The following ATG2A variants were observed in gnomAD, a reference collection of about 807,000 sequenced individuals.
ATG2A encodes the protein autophagy related 2A.
In ATG2A, 103 loss-of-function variants were observed where a neutral mutation model predicts 214.2. The observed-to-expected ratio is 0.48, with a 90% confidence interval of 0.41 to 0.57. The LOEUF is 0.57. Ranked by LOEUF, ATG2A falls within the 20% of genes least tolerant of loss-of-function variation. The probability of loss-of-function intolerance (pLI) is 0.00; values close to 1 mark genes in which losing one functional copy is unlikely to be tolerated. For missense variants in ATG2A, 2,312 were observed against 2,613.2 expected (o/e 0.88, Z 2.51); for synonymous variants, 1,160 against 1,142.1 (o/e 1.02, Z -0.32).
rs1404355329 is a variant in ATG2A, at chr11:64,910,089, G to A, written c.1814C>T (p.Ala605Val). 6.2e-7 allele frequency: 1 copy of A among 1,608,794 alleles called. No individual in the cohort carries two copies. Among genetic ancestry groups the A allele is most frequent in the African/African-American group, 1.3e-5 (1 of 74,914 alleles). Residue 605 changes from alanine to valine, a missense_variant, in exon 13 of 41, where the codon GCC becomes GTC. Ala to Val is a moderately conservative substitution (Grantham distance 64). Transcript: ENST00000377264. ...VELGALDRLA[A>V]LLRLATVPAE... is the part of the protein sequence containing the mutation. Reference sequence around the variant, plus strand: ...AGGTACGGTGGCCAGGCGCAGTAGGGCGGCCAGCCGGTCCAGGGCCCCCAG... The same window carrying A: ...AGGTACGGTGGCCAGGCGCAGTAGGACGGCCAGCCGGTCCAGGGCCCCCAG...
rs1590629252 is a variant in ATG2A, at chr11:64,901,115, T to C, written c.4120-23A>G. The C allele has an allele frequency of 3.9e-6, 6 of 1,550,160 alleles. No homozygotes were observed. The East Asian group carries it at 1.5e-4, about 38-fold the overall frequency. The stretch of plus-strand genomic sequence containing the variant: ...GGGCTGCAGGGAGGCCAGGTAGACG[T>C]GTGACACAGATGTTCGATCCAGCCC... On this transcript the variant is annotated intron_variant, in intron 29 of 40. Coordinates refer to ENST00000377264, the MANE Select transcript of ATG2A (RefSeq NM_015104.3).
At position 64,902,057 on chromosome 11, in the gene ATG2A, C is replaced by T. The variant is rs1944368372; in HGVS notation, c.4024G>A (p.Glu1342Lys). Residue 1342 changes from glutamate to lysine, a missense_variant, in exon 29 of 41, where the codon GAG becomes AAG. Coordinates refer to ENST00000377264, the MANE Select transcript of ATG2A (RefSeq NM_015104.3). ...TCTTCCCTTTCATCTTCCTTCTCCT[C>T]TGAGCATGACCCTAAGCTGCCAGCA... ...GPAGSLGSCS[E>K]EKEDEREEEG... The T allele has an allele frequency of 1.2e-6, 2 of 1,614,088 alleles. No individual in the cohort carries two copies. Among genetic ancestry groups the T allele is most frequent in the African/African-American group, 2.7e-5 (2 of 75,064 alleles).
rs115073357 is a variant in ATG2A at position 64,909,439 on chromosome 11, G to A, written c.2108-72C>T. The stretch of plus-strand genomic sequence containing the variant: ...CTATTTCTTCCCCAATGCCCAGGTC[G>A]GCTCAGAGCTGTGCCCCCGACTCCA... On this transcript the variant is annotated intron_variant, in intron 14 of 40. Coordinates refer to ENST00000377264, the MANE Select transcript of ATG2A (RefSeq NM_015104.3). 2.3e-5 allele frequency: 34 copies of A among 1,508,182 alleles called. No homozygotes were observed. The African/African-American group carries it at 2.3e-4, about 10-fold the overall frequency. 93.4% of individuals were successfully genotyped at this position (1,508,182 alleles called of 1,614,324 possible). A position where few individuals can be genotyped will look rare whatever the true frequency, so the allele number is the denominator to read the frequency against.
In ATG2A at chr11:64,895,240, G is replaced by A. The variant is rs369212911; in HGVS notation, c.5581-31C>T. The A allele has an allele frequency of 3.7e-6, 6 of 1,612,964 alleles. No homozygotes were observed. In the African/African-American group the frequency reaches 4.0e-5, roughly 11 times the overall value. On this transcript the variant is annotated intron_variant, in intron 40 of 40. Transcript: ENST00000377264. This position sits in a 1 kb window ranked among gnomAD's most constrained non-coding sequence, Gnocchi z 5.0. Reference sequence around the variant, plus strand: ...GAAGCCAGAGGTCAGGGCGGGGTCTGTGTGAGGAGATGGGCATGGGGGACT... The same window carrying A: ...GAAGCCAGAGGTCAGGGCGGGGTCTATGTGAGGAGATGGGCATGGGGGACT...
At position 64,895,769 on chromosome 11, in the gene ATG2A, C is replaced by T. The variant is rs1276872722; in HGVS notation, c.5428-327G>A. Among the ~76,000 whole-genome samples the T allele has an allele frequency of 6.6e-6, 1 of 152,274 alleles. No homozygotes were observed. Among genetic ancestry groups the T allele is most frequent in the African/African-American group, 2.4e-5 (1 of 41,540 alleles). On this transcript the variant is annotated intron_variant, in intron 39 of 40. Transcript: ENST00000377264. This position sits in a 1 kb window ranked among gnomAD's most constrained non-coding sequence, Gnocchi z 5.0. Reference sequence around the variant, plus strand: ...CCGCAGCTGCACGCCTGAGACTGACCGCTCCTTGCCTGGCCCCCCAGACGC... The same window carrying T: ...CCGCAGCTGCACGCCTGAGACTGACTGCTCCTTGCCTGGCCCCCCAGACGC...
At chr11:64,896,381 G>C in intron 39 of ATG2A, 81 bp downstream of exon 39, 1 of 1,503,938 alleles carries the variant, frequency 6.6e-7, no homozygotes, top group South Asian at 1.3e-5. Flanking sequence ...GAGGAGCTTT[G>C]AGGACAGAAC....
At chr11:64,899,901 C>T (rs924547359) in intron 31 of ATG2A, among the ~76,000 whole-genome samples, 12 of 151,606 alleles carry the variant, frequency 7.9e-5, no homozygotes, top group African/African-American at 2.7e-4. Flanking sequence ...CTCTGTTGCC[C>T]AGGCTGGAAT....
In ATG2A at chr11:64,894,566, C is replaced by T. The variant is rs780451059; in HGVS notation, c.*407G>A. On this transcript the variant is annotated 3_prime_UTR_variant, in exon 41 of 41. Transcript: ENST00000377264. Reference sequence around the variant, plus strand: ...GGGGCTGGCGGTGGGCAGTTTATTCCACTTCATGCAGACACTGACCCACGC... The same window carrying T: ...GGGGCTGGCGGTGGGCAGTTTATTCTACTTCATGCAGACACTGACCCACGC... 1 of 476,742 alleles carries T rather than the reference C, an allele frequency of 2.1e-6. No individual in the cohort carries two copies. The highest frequency in any genetic ancestry group is 1.5e-5 in the South Asian group (1 of 64,718). 29.5% of individuals were successfully genotyped at this position (476,742 alleles called of 1,614,324 possible).
At position 64,905,538 on chromosome 11, in the gene ATG2A, G is replaced by T. The variant is rs1204924521; in HGVS notation, c.3464+25C>A. 2.5e-6 allele frequency: 4 copies of T among 1,598,118 alleles called. No homozygotes were observed. In the South Asian group the frequency reaches 3.4e-5, roughly 13 times the overall value. On this transcript the variant is annotated intron_variant, in intron 24 of 40. Transcript: ENST00000377264. ...GCTTCGGCCCGGCGAGGGTGGGATG[G>T]CCCAGTGTGGGGCGGCCTGCATACC...
chr11:64,902,451 G>A (rs1944386971), intron 27 of ATG2A, 65 bp from the exon 28 acceptor site: 1 of 1,530,328 alleles, frequency 6.5e-7, no homozygotes, highest in South Asian at 1.2e-5. Flanking sequence ...CCAGGCCCGA[G>A]GGCCATGGCA....
rs778386503 is a variant in ATG2A at position 64,896,762 on chromosome 11, G to A, written c.5258C>T (p.Ser1753Leu). The A allele has an allele frequency of 3.7e-6, 6 of 1,614,226 alleles. No homozygotes were observed. Among genetic ancestry groups the A allele is most frequent in the South Asian group, 1.1e-5 (1 of 91,088 alleles). The change falls in exon 38 of 41, where the codon TCG (serine) becomes TTG (leucine). Residue 1753 changes from serine (S) to leucine (L), a missense_variant. Ser to Leu is a moderately radical substitution (Grantham distance 145, BLOSUM62 -2). Coordinates refer to ENST00000377264, the MANE Select transcript of ATG2A (RefSeq NM_015104.3). ...TAGACACTCACAGAGCTGGACAACC[G>A]AGTGCATGGGGCCCACGCCTCCCAG... Reference protein sequence around the residue: ...GLLGGVGPMHSVVQLFQGFRD... With the variant: ...GLLGGVGPMHLVVQLFQGFRD...
intron 16 of ATG2A, 46 bp from the exon 17 acceptor site, chr11:64,907,936 G>T (rs1432967240): frequency 1.9e-6 from 3 of 1,580,024 alleles, no homozygotes. Flanking sequence ...TCTTAGAGAC[G>T]CTGGCTGGGG....
In ATG2A at chr11:64,894,875, C is replaced by T. The variant is rs777819723; in HGVS notation, c.*98G>A. The T allele has an allele frequency of 7.1e-7, 1 of 1,417,952 alleles. No individual in the cohort carries two copies. The highest frequency in any genetic ancestry group is 1.1e-5 in the South Asian group (1 of 87,022). 87.8% of individuals were successfully genotyped at this position (1,417,952 alleles called of 1,614,324 possible). On this transcript the variant is annotated 3_prime_UTR_variant, in exon 41 of 41. Coordinates refer to ENST00000377264, the MANE Select transcript of ATG2A (RefSeq NM_015104.3). ...GAAGGCGTCCTTCACAGTGGCCATCCCCTGAAGGGCCAGGCCGGGCCGGGC... is the reference window on the plus strand; with the variant it reads ...GAAGGCGTCCTTCACAGTGGCCATCTCCTGAAGGGCCAGGCCGGGCCGGGC...
chr11:64,901,933 C>T, intron 29 of ATG2A, 29 bp downstream of exon 29: 1 of 1,607,474 alleles, frequency 6.2e-7, no homozygotes, highest in African/African-American at 1.3e-5. Context: ...GCCTGGACGG[C>T]AAACTGGTCC....
In ATG2A at chr11:64,912,337, C is replaced by T; in HGVS notation, c.912G>A (p.Val304=). 6.3e-7 allele frequency: 1 copy of T among 1,578,704 alleles called. No homozygotes were observed. ...LQQLQELLSA[V]SLTDHEGLAD... ...ACCCAGGGGCCTCACCTGTAAGGCT[C>T]ACGGCGCTGAGCAGTTCCTGAAGTT... The change falls in exon 7 of 41, where the codon GTG becomes GTA. Residue 304 remains valine (V), a synonymous_variant. Transcript: ENST00000377264.
rs142419696 is a variant in ATG2A at position 64,909,737 on chromosome 11, C to A, written c.2051G>T (p.Ser684Ile). The change falls in exon 14 of 41, where the codon AGT (serine) becomes ATT (isoleucine). Residue 684 changes from serine to isoleucine, a missense_variant. By Grantham distance (142) the Ser-to-Ile change is moderately radical (BLOSUM62 -2). Coordinates refer to ENST00000377264, the MANE Select transcript of ATG2A (RefSeq NM_015104.3). ...SEPQFRSELS[S>I]GPGPPVPTHL... ...GGTGGGGACTGGGGGACCAGGCCCA[C>A]TGCTAAGCTCTGACCGGAACTGGGG... 2 of 1,613,054 alleles carry A rather than the reference C, an allele frequency of 1.2e-6. No homozygotes were observed. Among genetic ancestry groups the A allele is most frequent in the Non-Finnish European group, 1.7e-6 (2 of 1,180,034 alleles).
At position 64,914,519 on chromosome 11, in the gene ATG2A, CA is replaced by C; in HGVS notation, c.172-20del. On this transcript the variant is annotated intron_variant, in intron 1 of 40. Transcript: ENST00000377264. The stretch of plus-strand genomic sequence containing the variant: ...TCACAGACTGGGAGCAAGCAAGAGA[CA>C]AAACCAGCTCAGGGAAACCCCAAAT... 1 of 1,609,170 alleles carries C rather than the reference CA, an allele frequency of 6.2e-7. No individual in the cohort carries two copies. Among genetic ancestry groups the C allele is most frequent in the African/African-American group, 1.3e-5 (1 of 75,010 alleles).
In ATG2A at chr11:64,910,032, CCTCTCACCAGCAGGCCGGCTGGAGG is replaced by C; in HGVS notation, c.1846_1863+7del. 6.4e-7 allele frequency: 1 copy of C among 1,567,680 alleles called. No homozygotes were observed. The highest frequency in any genetic ancestry group is 8.6e-7 in the Non-Finnish European group (1 of 1,157,818). ...ACCCCCGGCCTGGCCCTGGCAGGGG[CCTCTCACCAGCAGGCCGGCTGGAGG>C]CTCAGCAGGTACGGTGGCCAGGCGC... On this transcript the variant is annotated splice_donor_variant and splice_donor_5th_base_variant and coding_sequence_variant and intron_variant, in exon 13 of 41. Transcript: ENST00000377264. LOFTEE classifies it high-confidence loss of function.
At chr11:64,906,943 G>T in intron 19 of ATG2A, 128 bp from the exon 20 acceptor site, 1 of 1,193,956 alleles carries the variant, frequency 8.4e-7, no homozygotes, top group Non-Finnish European at 1.1e-6. Flanking sequence ...GGACGCTGCT[G>T]GAGGCCCTGG....
Sources: allele counts gnomAD v4.1 joint callset (sites outside exome capture counted in the v4.1 genomes callset), GRCh38; gene constraint gnomAD v4.1.1; non-coding constraint Gnocchi (gnomAD v3.1); transcripts MANE v1.5; gene names NCBI Gene and HGNC (gene_info 2026-07-23, HGNC 2026-07-21).